KIFAP3: variants seen among roughly 807,000 people sequenced by gnomAD.
KIFAP3 encodes the protein kinesin-associated protein 3.
Under a neutral mutation model 106.5 loss-of-function variants are expected in KIFAP3, and 68 were observed. The ratio of observed to expected loss-of-function variants is 0.64; its 90% CI spans 0.53 to 0.78. KIFAP3 has a LOEUF of 0.78. KIFAP3 is among the 30% of genes least tolerant of loss of function. The probability of loss-of-function intolerance (pLI) is 0.00; values close to 1 mark genes in which losing one functional copy is unlikely to be tolerated. For missense variants in KIFAP3, 780 were observed against 941.8 expected (o/e 0.83, Z 2.25); for synonymous variants, 320 against 311.5 (o/e 1.03, Z -0.29).
At chr1:170,041,770 C>T (rs1669992765) in intron 3 of KIFAP3, 1 of 1,533,110 alleles carries the variant, frequency 6.5e-7, no homozygotes, top group Non-Finnish European at 8.7e-7. Context: ...ATCCCTTTTG[C>T]CTTCTCCTGA....
chr1:170,021,423 TTTG>T (rs1005971254), intron 9 of KIFAP3, among the ~76,000 whole-genome samples: 11 of 150,358 alleles, frequency 7.3e-5, no homozygotes, highest in Non-Finnish European at 1.5e-4. Flanking sequence ...ACTTGGAGAG[TTTG>T]TTATTAAGTT....
At chr1:169,955,907 A>C (rs1382465685) in intron 18 of KIFAP3, among the ~76,000 whole-genome samples, 1 of 152,162 alleles carries the variant, frequency 6.6e-6, no homozygotes, top group East Asian at 1.9e-4. Flanking sequence ...ATGGAAAATG[A>C]CAAGACACCA....
chr1:170,013,424 C>G (rs1028499258), intron 10 of KIFAP3, among the ~76,000 whole-genome samples: 3 of 149,676 alleles, frequency 2.0e-5, no homozygotes, highest in African/African-American at 7.4e-5. Flanking sequence ...TTAACTTTTC[C>G]CTATTCATAT....
At chr1:169,990,622 T>C (rs1329357346) in intron 11 of KIFAP3, among the ~76,000 whole-genome samples, 8 of 152,078 alleles carry the variant, frequency 5.3e-5, no homozygotes, top group Non-Finnish European at 1.0e-4. Context: ...GGTAGTTTAA[T>C]AAAGAGTAAT....
intron 3 of KIFAP3, among the ~76,000 whole-genome samples, chr1:170,040,559 A>C (rs1054090962): frequency 1.3e-5 from 2 of 152,188 alleles, no homozygotes; most frequent in African/African-American, 4.8e-5. Flanking sequence ...CTTCAGAATT[A>C]TATTAATGTG....
intron 11 of KIFAP3, among the ~76,000 whole-genome samples, chr1:169,986,228 T>C (rs1455644116): frequency 6.6e-6 from 1 of 151,904 alleles, no homozygotes; most frequent in Admixed American, 6.6e-5. Flanking sequence ...TCAAAAATGA[T>C]ATGTGGTCAA....
chr1:169,981,870 T>A (rs1446565512), intron 15 of KIFAP3, 102 bp downstream of exon 15: 120 of 914,682 alleles, frequency 1.3e-4, no homozygotes, highest in Non-Finnish European at 1.7e-4. Context: ...AAACAATTAA[T>A]GTAATGAGAA....
intron 19 of KIFAP3, among the ~76,000 whole-genome samples, chr1:169,933,961 GAAT>G (rs1241004136): frequency 3.3e-5 from 5 of 151,764 alleles, no homozygotes; most frequent in South Asian, 4.1e-4. Context: ...TGTAAAATAA[GAAT>G]AATGGCTATA....
chr1:170,016,506 T>G lies in KIFAP3; in HGVS notation c.1139A>C (p.Lys380Thr). 6 of 1,609,280 alleles carry G rather than the reference T, an allele frequency of 3.7e-6. No homozygotes were observed. Among genetic ancestry groups the G allele is most frequent in the Non-Finnish European group, 5.1e-6 (6 of 1,178,050 alleles). ...NLSFDTGLRN[K>T]MVQVGLLPKL... ...GGGAAGCAGTCCAACTTGTACCATC[T>G]TATTCCTCAGTCCTGTGTCAAAGGA... is the stretch of plus-strand genomic sequence containing the variant. Residue 380 changes from lysine (K) to threonine (T), a missense_variant, in exon 10 of 20, where the codon AAG (lysine) becomes ACG (threonine). Physicochemically the swap from Lys to Thr is moderately conservative, Grantham distance 78. Around this residue, in one of 3 missense-constraint regions of KIFAP3, gnomAD observed 588 missense variants for 678.9 expected, o/e 0.87. Coordinates refer to ENST00000361580, the MANE Select transcript of KIFAP3 (RefSeq NM_014970.4).
chr1:169,946,554 A>G (rs1303870662), intron 19 of KIFAP3, among the ~76,000 whole-genome samples: 14 of 152,216 alleles, frequency 9.2e-5, no homozygotes. Flanking sequence ...TACCAAGCTT[A>G]AAGGCTTCAC....
chr1:170,021,913 C>T (rs1668851273), intron 9 of KIFAP3, among the ~76,000 whole-genome samples: 1 of 149,262 alleles, frequency 6.7e-6, no homozygotes, highest in South Asian at 2.1e-4. Context: ...ACATGCAATG[C>T]CTTCAGGTCT....
intron 10 of KIFAP3, among the ~76,000 whole-genome samples, chr1:170,015,823 A>G (rs1329477320): frequency 6.6e-6 from 1 of 152,194 alleles, no homozygotes; most frequent in Non-Finnish European, 1.5e-5. Flanking sequence ...TGACTGCACA[A>G]TGTTAACTCT....
At chr1:170,001,506 T>G (rs1667667890) in intron 10 of KIFAP3, among the ~76,000 whole-genome samples, 1 of 152,150 alleles carries the variant, frequency 6.6e-6, no homozygotes, top group African/African-American at 2.4e-5. Context: ...CGGCGAGACA[T>G]GTGCTTTCTG....
chr1:170,001,006 T>TCC (rs34512644), intron 10 of KIFAP3, among the ~76,000 whole-genome samples: 3 of 818 alleles, frequency 3.7e-3, no homozygotes, highest in Non-Finnish European at 5.1e-3. Context: ...AGCTAAACAT[T>TCC]GTTTTTAGAG....
At chr1:169,978,318 C>T in intron 15 of KIFAP3, 135 bp from the exon 16 acceptor site, 1 of 578,132 alleles carries the variant, frequency 1.7e-6, no homozygotes, top group Non-Finnish European at 3.0e-6. Flanking sequence ...GATTTAACTT[C>T]TATGTTCCTA....
chr1:170,074,737 T>C (rs1249507249), upstream of KIFAP3: 2 of 1,342,556 alleles, frequency 1.5e-6, no homozygotes, highest in African/African-American at 1.5e-5. Context: ...CTGCACCTCT[T>C]GTATGCGCAG....
intron 10 of KIFAP3, among the ~76,000 whole-genome samples, chr1:170,010,562 A>AT (rs981788431): frequency 3.3e-5 from 5 of 151,850 alleles, no homozygotes; most frequent in African/African-American, 4.8e-5. Context: ...AATTTTATAT[A>AT]TTTTTTTCAG....
chr1:169,984,531 T>C (rs368135374), intron 12 of KIFAP3, 51 bp downstream of exon 12: 1 of 766,782 alleles, frequency 1.3e-6, no homozygotes, highest in Non-Finnish European at 2.2e-6. Flanking sequence ...TTTTCCATCA[T>C]ATACCAAATA....
intron 2 of KIFAP3, among the ~76,000 whole-genome samples, chr1:170,052,265 A>C (rs1156795539): frequency 1.3e-5 from 2 of 152,122 alleles, no homozygotes; most frequent in East Asian, 3.9e-4. Flanking sequence ...GGACACATAC[A>C]CCCTCCCAAG....
Sources: gnomAD v4.1 joint callset for allele counts (sites outside exome capture counted in the v4.1 genomes callset) on GRCh38, gnomAD v4.1.1 for gene constraint, gnomAD v4.1.1 regional missense constraint, MANE v1.5 for transcripts, NCBI Gene and HGNC (gene_info 2026-07-23, HGNC 2026-07-21) for gene names.